Variants in FZD4 observed in about 807,000 individuals in gnomAD.
FZD4 encodes frizzled-4.
A neutral mutation model predicts 37.3 loss-of-function variants in FZD4; 16 were observed. The observed-to-expected ratio is 0.43, with a 90% CI of 0.29 to 0.65. FZD4 has a LOEUF of 0.65. Ranked by LOEUF, FZD4 falls within the 30% of genes least tolerant of loss-of-function variation. FZD4 has a pLI of 0.16. For missense variants in FZD4, 599 were observed against 674.3 expected (o/e 0.89, Z 1.24); for synonymous variants, 246 against 254.8 (o/e 0.97, Z 0.33).
At position 86,948,021 on chromosome 11, in the gene FZD4, A is replaced by T. The variant is rs762745213; in HGVS notation, c.*3121T>A. 9 of 152,246 alleles carry T rather than the reference A, an allele frequency of 5.9e-5. No homozygotes were observed. The highest frequency in any genetic ancestry group is 1.2e-4 in the Non-Finnish European group (8 of 68,076). The allele number at this position is 152,246 out of a possible 1,614,324, so 9.4% of individuals were successfully genotyped here. A position where few individuals can be genotyped will look rare whatever the true frequency, so the allele number is the denominator to read the frequency against. On this transcript the variant is annotated 3_prime_UTR_variant, in exon 2 of 2. Transcript: ENST00000531380. Reference sequence around the variant, plus strand: ...TGAATTGCCGGCAAAGCCAAAGCAGATGTGTGGGCCCATGTCCTTGTGGCC... The same window carrying T: ...TGAATTGCCGGCAAAGCCAAAGCAGTTGTGTGGGCCCATGTCCTTGTGGCC...
At chr11:86,952,521 T>A (rs1204603620) in intron 1 of FZD4, 51 bp from the exon 2 acceptor site, 3 of 1,592,876 alleles carry the variant, frequency 1.9e-6, no homozygotes, top group Non-Finnish European at 2.6e-6. Flanking sequence ...GACTTGGAAG[T>A]TTGACCAAAT....
chr11:86,950,869 T>C lies in FZD4; in HGVS notation c.*273A>G, dbSNP rs2135039111. The C allele has an allele frequency of 1.9e-6, 1 of 513,252 alleles. No individual in the cohort carries two copies. Among genetic ancestry groups the C allele is most frequent in the Non-Finnish European group, 3.5e-6 (1 of 283,672 alleles). 31.8% of individuals were successfully genotyped at this position (513,252 alleles called of 1,614,324 possible). On this transcript the variant is annotated 3_prime_UTR_variant, in exon 2 of 2. Coordinates refer to ENST00000531380, the MANE Select transcript of FZD4 (RefSeq NM_012193.4). ...TAGGCAGGACCTCCACGCTCCAAGC[T>C]GCAACCTGCTAAAGTGATCAACGTT... is the stretch of plus-strand genomic sequence containing the variant.
chr11:86,953,355 A>G (rs1348080770), intron 1 of FZD4, among the ~76,000 whole-genome samples: 1 of 152,196 alleles, frequency 6.6e-6, no homozygotes, highest in Admixed American at 6.5e-5. Context: ...TGTTTCTCCA[A>G]CAAATTGCCA....
At position 86,949,759 on chromosome 11, in the gene FZD4, T is replaced by C. The variant is rs1949274165; in HGVS notation, c.*1383A>G. ...TTCATTTCATATGGTCTACACTTTA[T>C]TCCCTACTAACCAATCAGGCTTCTG... On this transcript the variant is annotated 3_prime_UTR_variant, in exon 2 of 2. Transcript: ENST00000531380. 2 of 152,706 alleles carry C rather than the reference T, an allele frequency of 1.3e-5. No individual in the cohort carries two copies. Among genetic ancestry groups the C allele is most frequent in the Non-Finnish European group, 2.9e-5 (2 of 68,056 alleles). 9.5% of individuals were successfully genotyped at this position (152,706 alleles called of 1,614,324 possible).
At position 86,951,514 on chromosome 11, in the gene FZD4, G is replaced by C. The variant is rs1406405036; in HGVS notation, c.1242C>G (p.Phe414Leu). The C allele has an allele frequency of 1.9e-6, 3 of 1,614,060 alleles. No individual in the cohort carries two copies. The highest frequency in any genetic ancestry group is 2.2e-5 in the East Asian group (1 of 44,880). The change falls in exon 2 of 2, where the codon TTC becomes TTG. Residue 414 changes from phenylalanine (F) to leucine (L), a missense_variant. Physicochemically the swap from Phe to Leu is conservative, Grantham distance 22. Transcript: ENST00000531380. ...LFIAAGLVALFKIRSNLQKDG... is the reference protein window; with the variant it reads ...LFIAAGLVALLKIRSNLQKDG... ...CCTTTTGAAGATTTGACCGAATTTT[G>C]AACAAGGCCACCAAACCTGCAGCAA...
rs1000934771 is a variant in FZD4, at chr11:86,951,972, A to G, written c.784T>C (p.Tyr262His). ...ATATAAGCAATGCTATAAATATTATAGCACATACTGAGAAATATGATGGGG... is the reference window on the plus strand; with the variant it reads ...ATATAAGCAATGCTATAAATATTATGGCACATACTGAGAAATATGATGGGG... Reference protein sequence around the residue: ...ERPIIFLSMCYNIYSIAYIVR... With the variant: ...ERPIIFLSMCHNIYSIAYIVR... The change falls in exon 2 of 2, where the codon TAT becomes CAT. Residue 262 changes from tyrosine to histidine, a missense_variant. Tyr to His is a moderately conservative substitution (Grantham distance 83). Around this residue, in one of 3 missense-constraint regions of FZD4, gnomAD observed 357 missense variants for 396.1 expected, o/e 0.90. Coordinates refer to ENST00000531380, the MANE Select transcript of FZD4 (RefSeq NM_012193.4). The G allele has an allele frequency of 6.2e-7, 1 of 1,614,122 alleles. No individual in the cohort carries two copies.
rs1052816823 is a variant in FZD4 at position 86,946,008 on chromosome 11, T to C, written c.*5134A>G. The C allele has an allele frequency of 6.6e-6, 1 of 152,548 alleles. No individual in the cohort carries two copies. Among genetic ancestry groups the C allele is most frequent in the Non-Finnish European group, 1.5e-5 (1 of 68,036 alleles). 9.4% of individuals were successfully genotyped at this position (152,548 alleles called of 1,614,324 possible). ...ACAGAGCAGGGGAAGTCACATTTTA[T>C]CTTTTTTTCAGATTACATCCGATAT... On this transcript the variant is annotated 3_prime_UTR_variant, in exon 2 of 2. Transcript: ENST00000531380.
At position 86,951,409 on chromosome 11, in the gene FZD4, C is replaced by A; in HGVS notation, c.1347G>T (p.Thr449=). The A allele has an allele frequency of 6.2e-7, 1 of 1,613,136 alleles. No individual in the cohort carries two copies. The highest frequency in any genetic ancestry group is 8.5e-7 in the Non-Finnish European group (1 of 1,179,038). ...VFSVLYTVPA[T]CVIACYFYEI... ...CATAAAAATAACAGGCAATCACACA[C>A]GTTGCAGGAACTGTGTACAGTACTG... Residue 449 remains threonine (T), a synonymous_variant, in exon 2 of 2, where the codon ACG becomes ACT. Transcript: ENST00000531380.
chr11:86,954,485 G>A lies in FZD4; in HGVS notation c.285+316C>T, dbSNP rs1030514241. 3.6e-5 allele frequency: 35 copies of A among 985,320 alleles called. No homozygotes were observed. In the East Asian group the frequency reaches 6.8e-4, roughly 19 times the overall value. 61.0% of individuals were successfully genotyped at this position (985,320 alleles called of 1,614,324 possible). ...GCTGGCTCCCTCCCACTCGCCCACC[G>A]AGCAGTGGCGGCCAGAATCCTTGGC... On this transcript the variant is annotated intron_variant, in intron 1 of 1. Transcript: ENST00000531380.
chr11:86,948,127 A>G lies in FZD4; in HGVS notation c.*3015T>C, dbSNP rs2135034950. ...ATGCTTTCTGTTAAAACCACCTGTA[A>G]CTGACTTGGAAGGAATCCTGGGAAA... On this transcript the variant is annotated 3_prime_UTR_variant, in exon 2 of 2. Coordinates refer to ENST00000531380, the MANE Select transcript of FZD4 (RefSeq NM_012193.4). 6.6e-6 allele frequency: 1 copy of G among 152,324 alleles called. No homozygotes were observed. Among genetic ancestry groups the G allele is most frequent in the East Asian group, 1.9e-4 (1 of 5,168 alleles). 9.4% of individuals were successfully genotyped at this position (152,324 alleles called of 1,614,324 possible).
In FZD4 at chr11:86,948,199, T is replaced by C. The variant is rs1474285996; in HGVS notation, c.*2943A>G. On this transcript the variant is annotated 3_prime_UTR_variant, in exon 2 of 2. Transcript: ENST00000531380. ...GTAGAGAGACCCAGGCTGGGTGTGG[T>C]GGCTCACACAGGAAGAGATTTATGG... The C allele has an allele frequency of 6.6e-6, 1 of 152,122 alleles. No individual in the cohort carries two copies. The highest frequency in any genetic ancestry group is 1.5e-5 in the Non-Finnish European group (1 of 68,034). The allele number at this position is 152,122 out of a possible 1,614,324, so 9.4% of individuals were successfully genotyped here. A position where few individuals can be genotyped will look rare whatever the true frequency, so the allele number is the denominator to read the frequency against.
In FZD4 at chr11:86,955,002, C is replaced by T; in HGVS notation, c.84G>A (p.Leu28=). The T allele has an allele frequency of 6.2e-7, 1 of 1,612,832 alleles. No individual in the cohort carries two copies. Among genetic ancestry groups the T allele is most frequent in the Non-Finnish European group, 8.5e-7 (1 of 1,179,712 alleles). Residue 28 remains leucine (L), a synonymous_variant, in exon 1 of 2, where the codon CTG becomes CTA. Coordinates refer to ENST00000531380, the MANE Select transcript of FZD4 (RefSeq NM_012193.4). ...AGCCCCGCGCCGGCCCCAGGAGCAG[C>T]AGCAACTGCAGGAGCAACCCCAGAC... ...GLSLGLLLQL[L]LLLGPARGFG... is the part of the protein sequence containing the mutation.
intron 1 of FZD4, 157 bp from the exon 2 acceptor site, chr11:86,952,627 C>A: frequency 1.4e-6 from 1 of 711,440 alleles, no homozygotes. Flanking sequence ...TGACCTCAAA[C>A]AAGGGCGCCT....
intron 1 of FZD4, among the ~76,000 whole-genome samples, chr11:86,953,587 A>G (rs909855879): frequency 6.6e-6 from 1 of 152,144 alleles, no homozygotes; most frequent in African/African-American, 2.4e-5. Context: ...TATCTCTCAG[A>G]AGTTACAGCC....
At chr11:86,954,753 C>G in intron 1 of FZD4, 48 bp downstream of exon 1, 1 of 1,549,314 alleles carries the variant, frequency 6.5e-7, no homozygotes, top group Non-Finnish European at 8.7e-7. Context: ...TAGTTTGGAG[C>G]GTCCCTCCCC....
chr11:86,948,590 T>C lies in FZD4; in HGVS notation c.*2552A>G, dbSNP rs1445710348. Reference sequence around the variant, plus strand: ...TGGCCACTTCTGATCAAATACACTTTGCCCTGAAAAGGCAAGAGATTTGTG... The same window carrying C: ...TGGCCACTTCTGATCAAATACACTTCGCCCTGAAAAGGCAAGAGATTTGTG... On this transcript the variant is annotated 3_prime_UTR_variant, in exon 2 of 2. Transcript: ENST00000531380. 6.6e-6 allele frequency: 1 copy of C among 152,206 alleles called. No homozygotes were observed. Among genetic ancestry groups the C allele is most frequent in the Admixed American group, 6.5e-5 (1 of 15,276 alleles). The allele number at this position is 152,206 out of a possible 1,614,324, so 9.4% of individuals were successfully genotyped here.
Position 86,954,882 on chromosome 11 carries a change from C to T in FZD4, c.204G>A (p.Gly68=), listed in dbSNP as rs1285947735. Residue 68 remains glycine, a synonymous_variant, in exon 1 of 2, where the codon GGG becomes GGA. Transcript: ENST00000531380. ...YNVTKMPNLV[G]HELQTDAELQ... is the part of the protein sequence containing the mutation. ...GCTCGGCGTCCGTCTGCAGCTCGTGCCCAACCAGGTTGGGCATCTTGGTCA... is the reference window on the plus strand; with the variant it reads ...GCTCGGCGTCCGTCTGCAGCTCGTGTCCAACCAGGTTGGGCATCTTGGTCA... 6.2e-7 allele frequency: 1 copy of T among 1,613,242 alleles called. No individual in the cohort carries two copies. Among genetic ancestry groups the T allele is most frequent in the South Asian group, 1.1e-5 (1 of 91,006 alleles).
rs1197484772 is a variant in FZD4 at position 86,955,037 on chromosome 11, C to T, written c.49G>A (p.Val17Ile). 16 of 1,604,108 alleles carry T rather than the reference C, an allele frequency of 1.0e-5. No homozygotes were observed. The South Asian group carries it at 1.6e-4, about 16-fold the overall frequency. Residue 17 changes from valine (V) to isoleucine (I), a missense_variant, in exon 1 of 2, where the codon GTC (valine) becomes ATC (isoleucine). Val to Ile is a conservative substitution (Grantham distance 29). This residue lies in a region of FZD4 where 357 missense variants were observed against 396.1 expected (regional missense o/e 0.90). Transcript: ENST00000531380. ...GPSVPGAPGG[V>I]GLSLGLLLQL... ...AGGAGCAACCCCAGACTGAGACCGA[C>T]GCCCCCGGGCGCCCCCGGGACGCTC...
rs1949324227 is a variant in FZD4, at chr11:86,954,990, C to T, written c.96G>A (p.Gly32=). Residue 32 remains glycine, a synonymous_variant, in exon 1 of 2, where the codon GGG becomes GGA. Coordinates refer to ENST00000531380, the MANE Select transcript of FZD4 (RefSeq NM_012193.4). ...GLLLQLLLLL[G]PARGFGDEEE... is the part of the protein sequence containing the mutation. ...CCTCGTCCCCGAAGCCCCGCGCCGG[C>T]CCCAGGAGCAGCAGCAACTGCAGGA... 6.2e-7 allele frequency: 1 copy of T among 1,612,608 alleles called. No individual in the cohort carries two copies. The highest frequency in any genetic ancestry group is 1.1e-5 in the South Asian group (1 of 91,076).
Sources: gnomAD v4.1 joint callset for allele counts (sites outside exome capture counted in the v4.1 genomes callset) on GRCh38, gnomAD v4.1.1 for gene constraint, gnomAD v4.1.1 regional missense constraint, MANE v1.5 for transcripts, NCBI Gene and HGNC (gene_info 2026-07-23, HGNC 2026-07-21) for gene names.